AGBL4: variants seen among roughly 807,000 people sequenced by gnomAD.
AGBL4 encodes the protein cytosolic carboxypeptidase 6.
In AGBL4, 58 loss-of-function variants were observed where a neutral mutation model predicts 66.4. That is an observed-to-expected ratio of 0.87 (90% CI 0.71 to 1.09). AGBL4 has a LOEUF of 1.09. Ranked by LOEUF, AGBL4 falls within the 50% of genes least tolerant of loss-of-function variation. AGBL4 has a pLI of 0.00. For missense variants in AGBL4, 579 were observed against 631.0 expected (o/e 0.92, Z 0.88); for synonymous variants, 234 against 222.9 (o/e 1.05, Z -0.44).
chr1:48,795,005 G>A (rs1258449054), intron 6 of AGBL4, among the ~76,000 whole-genome samples: 3 of 152,146 alleles, frequency 2.0e-5, no homozygotes, highest in African/African-American at 7.2e-5. Flanking sequence ...TTAGAAACCA[G>A]TGAGTCATTC....
At chr1:49,098,794 G>GCGA (rs1645152082) in intron 4 of AGBL4, among the ~76,000 whole-genome samples, 1 of 152,178 alleles carries the variant, frequency 6.6e-6, no homozygotes, top group African/African-American at 2.4e-5. Flanking sequence ...CTGGAGCTTG[G>GCGA]CGCACACTGC....
At chr1:48,762,247 A>T (rs1644299205) in intron 6 of AGBL4, among the ~76,000 whole-genome samples, 1 of 152,234 alleles carries the variant, frequency 6.6e-6, no homozygotes, top group Admixed American at 6.5e-5. Flanking sequence ...GTAAAGTGCT[A>T]CACAAATATA....
chr1:49,291,954 C>A (rs1373679943), intron 3 of AGBL4, among the ~76,000 whole-genome samples: 6 of 152,236 alleles, frequency 3.9e-5, no homozygotes, highest in Non-Finnish European at 5.9e-5. Context: ...CCTACCCCCA[C>A]CTTGGGCACA....
At chr1:48,712,834 G>T (rs1221078596) in intron 6 of AGBL4, among the ~76,000 whole-genome samples, 1 of 152,214 alleles carries the variant, frequency 6.6e-6, no homozygotes, top group Admixed American at 6.5e-5. Context: ...TTACATAGTT[G>T]TGGCCCCCGT....
intron 1 of AGBL4, among the ~76,000 whole-genome samples, chr1:49,964,646 CTACT>C (rs1269294917): frequency 1.3e-5 from 2 of 151,932 alleles, no homozygotes; most frequent in East Asian, 1.9e-4. Context: ...CACTTTAAGA[CTACT>C]TAAACAGTAG....
chr1:49,526,539 T>G (rs890817130), intron 3 of AGBL4, among the ~76,000 whole-genome samples: 5 of 152,030 alleles, frequency 3.3e-5, no homozygotes, highest in African/African-American at 1.2e-4. Flanking sequence ...AATCTCCCAT[T>G]TGGAGAGTCA....
chr1:48,931,986 G>A (rs991617201), intron 5 of AGBL4, among the ~76,000 whole-genome samples: 3 of 152,118 alleles, frequency 2.0e-5, no homozygotes, highest in Non-Finnish European at 4.4e-5. Context: ...GAGTATGGGA[G>A]TGAGTCTCCA....
At chr1:48,540,423 C>T (rs1362123261) in intron 11 of AGBL4, among the ~76,000 whole-genome samples, 1 of 152,150 alleles carries the variant, frequency 6.6e-6, no homozygotes, top group South Asian at 2.1e-4. Context: ...TGCATTATAG[C>T]TCACATCTCT....
chr1:49,559,827 C>A (rs1468731140), intron 3 of AGBL4, among the ~76,000 whole-genome samples: 1 of 152,082 alleles, frequency 6.6e-6, no homozygotes, highest in East Asian at 1.9e-4. Flanking sequence ...CTTCCTTGCT[C>A]CTCAGCTTGC....
At chr1:48,702,742 G>A (rs1427564019) in intron 6 of AGBL4, among the ~76,000 whole-genome samples, 1 of 152,216 alleles carries the variant, frequency 6.6e-6, no homozygotes. Context: ...ATTGGAGGTA[G>A]TGCATGCTGC....
At chr1:49,968,218 T>TC (rs1353719085) in intron 1 of AGBL4, among the ~76,000 whole-genome samples, 1 of 76,722 alleles carries the variant, frequency 1.3e-5, no homozygotes, top group Non-Finnish European at 3.0e-5. Context: ...AGGGAGACTG[T>TC]CAAAAAAAAA....
intron 3 of AGBL4, among the ~76,000 whole-genome samples, chr1:49,514,125 A>C (rs1039012567): frequency 4.0e-5 from 6 of 151,848 alleles, no homozygotes; most frequent in Non-Finnish European, 8.8e-5. Flanking sequence ...TTGGGCTGAG[A>C]CAATGGGGTT....
At chr1:48,841,197 C>T (rs1646790054) in intron 6 of AGBL4, among the ~76,000 whole-genome samples, 1 of 152,032 alleles carries the variant, frequency 6.6e-6, no homozygotes, top group Non-Finnish European at 1.5e-5. Context: ...GTGGCAGTTA[C>T]TCAAATATAT....
At chr1:49,793,454 A>G (rs1644653052) in intron 2 of AGBL4, among the ~76,000 whole-genome samples, 1 of 151,994 alleles carries the variant, frequency 6.6e-6, no homozygotes, top group Non-Finnish European at 1.5e-5. Context: ...GTAGAATAAT[A>G]ATAATAGAAC....
chr1:48,656,100 G>A (rs1646015898), intron 7 of AGBL4, among the ~76,000 whole-genome samples: 1 of 152,136 alleles, frequency 6.6e-6, no homozygotes. Context: ...CCAGGAAGCT[G>A]GAAAAAAGCA....
intron 5 of AGBL4, among the ~76,000 whole-genome samples, chr1:48,868,971 C>T (rs559922131): frequency 1.3e-5 from 2 of 152,152 alleles, no homozygotes; most frequent in Non-Finnish European, 2.9e-5. Flanking sequence ...TTCCCAGGTC[C>T]TTTGTCCTTT....
intron 9 of AGBL4, among the ~76,000 whole-genome samples, chr1:48,607,035 A>C (rs2148373477): frequency 6.6e-6 from 1 of 152,282 alleles, no homozygotes; most frequent in African/African-American, 2.4e-5. Context: ...GAGATCACTC[A>C]TGTCACCAAG....
rs577228494 is a variant in AGBL4 at position 48,834,648 on chromosome 1, G to A, written c.634+32543C>T. On this transcript the variant is annotated intron_variant, in intron 6 of 13. Coordinates refer to ENST00000371839, the MANE Select transcript of AGBL4 (RefSeq NM_032785.4). ...AGCCAGAAAGAGAGCCCTCACCAAG[G>A]CACCTTGATCTTGGACTTTCCAGCC... Among the ~76,000 whole-genome samples, 3 of 152,216 alleles carry A rather than the reference G, an allele frequency of 2.0e-5. No individual in the cohort carries two copies. In the East Asian group the frequency reaches 5.8e-4, roughly 29 times the overall value.
chr1:48,592,414 C>T (rs1255570131), intron 9 of AGBL4, among the ~76,000 whole-genome samples: 1 of 152,152 alleles, frequency 6.6e-6, no homozygotes, highest in Non-Finnish European at 1.5e-5. Flanking sequence ...TTTCATTTAC[C>T]TCAGAGTTGG....
Sources: allele counts gnomAD v4.1 joint callset (sites outside exome capture counted in the v4.1 genomes callset), GRCh38; gene constraint gnomAD v4.1.1; transcripts MANE v1.5; gene names NCBI Gene and HGNC (gene_info 2026-07-23, HGNC 2026-07-21).